ARMH3: variants seen among roughly 807,000 people sequenced by gnomAD.
ARMH3 encodes armadillo-like helical domain-containing protein 3.
A neutral mutation model predicts 99.1 loss-of-function variants in ARMH3; 60 were observed. The observed-to-expected ratio is 0.61, with a 90% CI of 0.49 to 0.75. ARMH3 has a LOEUF of 0.75. Ranked by LOEUF, ARMH3 falls within the 30% of genes least tolerant of loss-of-function variation. The pLI, the probability that ARMH3 is intolerant of heterozygous loss-of-function variation, is 0.00. For synonymous variants in ARMH3, 285 were observed against 292.8 expected, an observed-to-expected ratio of 0.97 and a Z score of 0.27; for missense variants, 679 against 843.1, an observed-to-expected ratio of 0.81 and a Z score of 2.41.
Position 101,971,756 on chromosome 10 carries a change from T to G in ARMH3, c.1495+3456A>C, listed in dbSNP as rs531804014. Among the ~76,000 whole-genome samples, 6 of 152,310 alleles carry G rather than the reference T, an allele frequency of 3.9e-5. No individual in the cohort carries two copies. The East Asian group carries it at 1.2e-3, about 29-fold the overall frequency. On this transcript the variant is annotated intron_variant, in intron 20 of 25. Coordinates refer to ENST00000370033, the MANE Select transcript of ARMH3 (RefSeq NM_024541.3). ...TTTTTTCTGAATACAAAGATGACTG[T>G]AGCTTTCATTCTATTCTCAAAAGTA...
chr10:101,909,302 A>G (rs1481331536), intron 23 of ARMH3, among the ~76,000 whole-genome samples: 1 of 151,574 alleles, frequency 6.6e-6, no homozygotes, highest in East Asian at 2.0e-4. Context: ...AGTTATTCAG[A>G]AGGCTGATGC....
chr10:101,939,021 A>G (rs189906502), intron 23 of ARMH3, among the ~76,000 whole-genome samples: 10 of 152,330 alleles, frequency 6.6e-5, no homozygotes, highest in Admixed American at 5.9e-4. Context: ...GAAAAAAATC[A>G]CAGACCAGCT....
intron 23 of ARMH3, among the ~76,000 whole-genome samples, chr10:101,935,183 A>ATATATATATATATATATATG (rs1843905969): frequency 6.8e-6 from 1 of 146,122 alleles, no homozygotes; most frequent in African/African-American, 2.5e-5. Context: ...CAATATATAT[A>ATATATATATATATATATATG]TATATATATA....
intron 19 of ARMH3, among the ~76,000 whole-genome samples, chr10:101,985,918 T>G (rs2135979606): frequency 6.6e-6 from 1 of 152,008 alleles, no homozygotes; most frequent in East Asian, 1.9e-4. Flanking sequence ...CTCAGGAAGC[T>G]GAGACATGAG....
At chr10:101,874,734 T>G (rs2067219184) in intron 24 of ARMH3, among the ~76,000 whole-genome samples, 1 of 152,176 alleles carries the variant, frequency 6.6e-6, no homozygotes, top group South Asian at 2.1e-4. Flanking sequence ...AGATACTACA[T>G]GATCATGGCT....
intron 14 of ARMH3, among the ~76,000 whole-genome samples, chr10:102,005,928 A>AT (rs2136082544): frequency 6.6e-6 from 1 of 152,362 alleles, no homozygotes; most frequent in East Asian, 1.9e-4. Context: ...TGATAGACAC[A>AT]TAACAGTGAG....
intron 23 of ARMH3, among the ~76,000 whole-genome samples, chr10:101,929,686 G>T (rs1305771864): frequency 6.6e-6 from 1 of 151,882 alleles, no homozygotes; most frequent in African/African-American, 2.4e-5. Context: ...AAGAAATAAC[G>T]CAAAAAATAG....
intron 19 of ARMH3, among the ~76,000 whole-genome samples, chr10:101,976,381 C>T (rs971533919): frequency 1.5e-4 from 19 of 122,976 alleles, no homozygotes; most frequent in Non-Finnish European, 3.0e-4. Context: ...GTAGATTAAT[C>T]AATCTCTCTC....
At chr10:101,928,192 A>G (rs937225911) in intron 23 of ARMH3, among the ~76,000 whole-genome samples, 2 of 152,342 alleles carry the variant, frequency 1.3e-5, no homozygotes, top group African/African-American at 4.8e-5. Flanking sequence ...ATCTCTCCCA[A>G]CTAACTCACA....
At position 101,982,060 on chromosome 10, in the gene ARMH3, C is replaced by T. The variant is rs1411956130; in HGVS notation, c.1407-6760G>A. On this transcript the variant is annotated intron_variant, in intron 19 of 25. Transcript: ENST00000370033. The stretch of plus-strand genomic sequence containing the variant: ...AAAAAAAAAACAAAGACTGGGGTAC[C>T]TTCAGCAGTGATATTAAAAATATTT... Among the ~76,000 whole-genome samples, 7 of 146,464 alleles carry T rather than the reference C, an allele frequency of 4.8e-5. No homozygotes were observed. The East Asian group carries it at 1.2e-3, about 25-fold the overall frequency.
rs1224579059 is a variant in ARMH3 at position 101,987,991 on chromosome 10, T to C, written c.1406+2560A>G. 2.6e-5 allele frequency among the ~76,000 whole-genome samples: 4 copies of C among 152,248 alleles called. No homozygotes were observed. In the East Asian group the frequency reaches 7.7e-4, roughly 29 times the overall value. ...TTAATGTGATCCTCAAGTATGCATATTACCTTTATTCCTTAAAAAGCATCC... is the reference window on the plus strand; with the variant it reads ...TTAATGTGATCCTCAAGTATGCATACTACCTTTATTCCTTAAAAAGCATCC... On this transcript the variant is annotated intron_variant, in intron 19 of 25. Transcript: ENST00000370033.
At chr10:101,924,100 G>A (rs1056798718) in intron 23 of ARMH3, among the ~76,000 whole-genome samples, 5 of 152,132 alleles carry the variant, frequency 3.3e-5, no homozygotes, top group African/African-American at 1.2e-4. Context: ...ATGTGCTGAT[G>A]ATACAAAGCT....
chr10:101,880,974 T>G (rs151067484), intron 24 of ARMH3, among the ~76,000 whole-genome samples: 5 of 152,322 alleles, frequency 3.3e-5, no homozygotes, highest in Non-Finnish European at 5.9e-5. Flanking sequence ...AAGACAAAAA[T>G]GGTTTAGCAA....
chr10:101,873,660 T>G (rs929971260), intron 24 of ARMH3, among the ~76,000 whole-genome samples: 19 of 152,194 alleles, frequency 1.2e-4, no homozygotes, highest in African/African-American at 4.3e-4. Context: ...TCCCCACCTG[T>G]AGCCCAAGCA....
In ARMH3 at chr10:102,029,721, C is replaced by G. The variant is rs1256818825; in HGVS notation, c.331G>C (p.Val111Leu). 2.5e-6 allele frequency: 4 copies of G among 1,613,952 alleles called. No individual in the cohort carries two copies. The highest frequency in any genetic ancestry group is 3.4e-6 in the Non-Finnish European group (4 of 1,180,014). Residue 111 changes from valine (V) to leucine (L), a missense_variant, in exon 5 of 26, where the codon GTC (valine) becomes CTC (leucine). Transcript: ENST00000370033. ...LQTLCALIRG[V>L]HQKNKSTSGF... ...GAGGTAGACTTATTCTTTTGATGGA[C>G]TCCTCGAATGAGTGCGCACAGGGTC...
chr10:101,993,747 T>C (rs1846919637), intron 16 of ARMH3, 144 bp from the exon 17 acceptor site: 1 of 505,240 alleles, frequency 2.0e-6, no homozygotes, highest in Non-Finnish European at 3.5e-6. Flanking sequence ...TAGAGCCTTA[T>C]GTCAAACCCT....
intron 23 of ARMH3, among the ~76,000 whole-genome samples, chr10:101,903,481 T>C (rs1296500390): frequency 1.3e-5 from 2 of 152,180 alleles, no homozygotes; most frequent in Non-Finnish European, 2.9e-5. Context: ...AAAGGTATCA[T>C]GGAAGCACAG....
At chr10:101,900,152 A>G (rs2067939560) in intron 23 of ARMH3, among the ~76,000 whole-genome samples, 1 of 152,218 alleles carries the variant, frequency 6.6e-6, no homozygotes, top group African/African-American at 2.4e-5. Flanking sequence ...GCTCAGATCC[A>G]TCACTCTGTG....
intron 8 of ARMH3, among the ~76,000 whole-genome samples, chr10:102,022,346 G>T (rs1278591270): frequency 6.6e-6 from 1 of 151,232 alleles, no homozygotes; most frequent in Non-Finnish European, 1.5e-5. Context: ...CAAAAAATTA[G>T]CCGGGCGTGG....
Sources: allele counts gnomAD v4.1 joint callset (sites outside exome capture counted in the v4.1 genomes callset), GRCh38; gene constraint gnomAD v4.1.1; transcripts MANE v1.5; gene names NCBI Gene and HGNC (gene_info 2026-07-23, HGNC 2026-07-21).